The following FREM2 variants were observed in gnomAD, a reference collection of about 807,000 sequenced individuals.
The protein encoded by FREM2 is FRAS1-related extracellular matrix protein 2.
Under a neutral mutation model 219.9 loss-of-function variants are expected in FREM2, and 119 were observed. The ratio of observed to expected loss-of-function variants is 0.54; its 90% CI spans 0.47 to 0.63. The LOEUF (loss-of-function observed/expected upper bound fraction) is 0.63. Among genes scored for constraint, FREM2 ranks in the 30% least tolerant of loss-of-function variants. The pLI is 0.00. For synonymous variants in FREM2, 1,562 were observed against 1,522.8 expected (o/e 1.03, Z -0.60); for missense variants, 4,030 against 3,993.6 (o/e 1.01, Z -0.25).
intron 11 of FREM2, among the ~76,000 whole-genome samples, chr13:38,855,271 CA>C (rs1566167939): frequency 6.6e-6 from 1 of 152,020 alleles, no homozygotes; most frequent in Admixed American, 6.6e-5. Context: ...CCCTGAAAAA[CA>C]CAAAGAAGTC....
chr13:38,713,376 G>A (rs1870858926), intron 2 of FREM2, among the ~76,000 whole-genome samples: 1 of 152,072 alleles, frequency 6.6e-6, no homozygotes, highest in African/African-American at 2.4e-5. Context: ...AATGTGACAA[G>A]GACTATATGG....
intron 6 of FREM2, among the ~76,000 whole-genome samples, chr13:38,830,144 G>A (rs1242539801): frequency 6.6e-6 from 1 of 152,046 alleles, no homozygotes; most frequent in East Asian, 1.9e-4. Context: ...TAATTTTAAA[G>A]AAATATATCA....
chr13:38,815,634 G>A (rs1875735207), intron 6 of FREM2, among the ~76,000 whole-genome samples: 1 of 152,160 alleles, frequency 6.6e-6, no homozygotes. Context: ...ATAAGGATAC[G>A]AGGACTATTT....
intron 2 of FREM2, among the ~76,000 whole-genome samples, chr13:38,733,872 T>C (rs1451318845): frequency 1.3e-5 from 2 of 152,186 alleles, no homozygotes; most frequent in Non-Finnish European, 2.9e-5. Flanking sequence ...ATTTATTTTA[T>C]GGAAATATAA....
intron 6 of FREM2, among the ~76,000 whole-genome samples, chr13:38,797,937 C>CT (rs910240890): frequency 2.0e-5 from 3 of 152,136 alleles, no homozygotes; most frequent in Admixed American, 6.6e-5. Flanking sequence ...ATTTGACTTA[C>CT]TTTTTTTCCA....
intron 8 of FREM2, among the ~76,000 whole-genome samples, chr13:38,849,338 A>C (rs1205586489): frequency 6.6e-6 from 1 of 152,184 alleles, no homozygotes; most frequent in Non-Finnish European, 1.5e-5. Context: ...GTTGGGTGGA[A>C]CCATGTGGAA....
At chr13:38,839,563 G>C (rs1876858637) in intron 6 of FREM2, among the ~76,000 whole-genome samples, 1 of 152,180 alleles carries the variant, frequency 6.6e-6, no homozygotes, top group Non-Finnish European at 1.5e-5. Flanking sequence ...TGTGCCCACA[G>C]TCGCCCCTTC....
intron 6 of FREM2, among the ~76,000 whole-genome samples, chr13:38,841,931 G>T (rs1043464121): frequency 6.6e-6 from 1 of 152,302 alleles, no homozygotes; most frequent in South Asian, 2.1e-4. Context: ...GACAATGGGG[G>T]ACATACGCAC....
At chr13:38,705,765 G>C (rs1334460141) in intron 2 of FREM2, among the ~76,000 whole-genome samples, 1 of 152,132 alleles carries the variant, frequency 6.6e-6, no homozygotes, top group Non-Finnish European at 1.5e-5. Context: ...GCTACTCTGA[G>C]GGCTTCCAGA....
chr13:38,710,572 A>T (rs1003564497), intron 2 of FREM2, among the ~76,000 whole-genome samples: 2 of 152,168 alleles, frequency 1.3e-5, no homozygotes, highest in African/African-American at 4.8e-5. Context: ...CTCCTTATAT[A>T]CATTTGTGTT....
At chr13:38,862,927 CA>C (rs1220646621) in intron 15 of FREM2, among the ~76,000 whole-genome samples, 1 of 152,150 alleles carries the variant, frequency 6.6e-6, no homozygotes, top group Non-Finnish European at 1.5e-5. Context: ...ACTCTGATGG[CA>C]GCATTGAACA....
intron 2 of FREM2, among the ~76,000 whole-genome samples, chr13:38,717,114 T>A (rs1871035707): frequency 6.6e-6 from 1 of 152,196 alleles, no homozygotes; most frequent in South Asian, 2.1e-4. Flanking sequence ...TCACTAGAAG[T>A]ATTCAAGTCA....
At chr13:38,756,380 A>G (rs1872998720) in intron 2 of FREM2, among the ~76,000 whole-genome samples, 1 of 152,158 alleles carries the variant, frequency 6.6e-6, no homozygotes, top group Admixed American at 6.5e-5. Flanking sequence ...ACACCTTATT[A>G]ACTATATGTT....
intron 2 of FREM2, among the ~76,000 whole-genome samples, chr13:38,717,650 G>A (rs1871065431): frequency 6.6e-6 from 1 of 151,794 alleles, no homozygotes; most frequent in Non-Finnish European, 1.5e-5. Context: ...CTCTTGATCT[G>A]AAGTGATCTG....
intron 6 of FREM2, among the ~76,000 whole-genome samples, chr13:38,813,551 C>CTATA (rs1875618981): frequency 3.2e-5 from 1 of 31,712 alleles, no homozygotes; most frequent in African/African-American, 1.6e-4. Flanking sequence ...CTCTCTCTCT[C>CTATA]TCTCTCTCTC....
At chr13:38,818,893 A>G (rs1421901793) in intron 6 of FREM2, among the ~76,000 whole-genome samples, 3 of 151,136 alleles carry the variant, frequency 2.0e-5, no homozygotes, top group African/African-American at 7.3e-5. Flanking sequence ...CTCCGTCTCA[A>G]AAAAAAAATG....
intron 6 of FREM2, among the ~76,000 whole-genome samples, chr13:38,838,627 A>T (rs530833017): frequency 6.6e-6 from 1 of 152,286 alleles, no homozygotes; most frequent in African/African-American, 2.4e-5. Flanking sequence ...CTTTTCACAT[A>T]GACCCATATT....
Position 38,877,451 on chromosome 13 carries a change from T to A in FREM2, c.8671+208T>A, listed in dbSNP as rs192961825. Among the ~76,000 whole-genome samples, 292 of 152,300 alleles carry A rather than the reference T, an allele frequency of 1.9e-3. 1 individual carries two copies. The highest frequency in any genetic ancestry group is 6.8e-3 in the African/African-American group (284 of 41,568). ...TATCTTTTTTTTCTGAGGAAGCTAA[T>A]CTCTAGCTGTCTTACCTAAGTGACT... On this transcript the variant is annotated intron_variant, in intron 21 of 23. Transcript: ENST00000280481.
chr13:38,689,521 T>A lies in FREM2; in HGVS notation c.2177T>A (p.Leu726Gln), dbSNP rs1869703819. The part of the protein sequence containing the change: ...SQLTPLRKKW[L>Q]RYTDLDTDDR... ...CTCACACCACTGAGGAAGAAGTGGCTGCGCTACACTGACCTGGACACAGAT... is the reference window on the plus strand; with the variant it reads ...CTCACACCACTGAGGAAGAAGTGGCAGCGCTACACTGACCTGGACACAGAT... The change falls in exon 1 of 24, where the codon CTG becomes CAG. Residue 726 changes from leucine (L) to glutamine (Q), a missense_variant. Physicochemically the swap from Leu to Gln is moderately radical, Grantham distance 113 (BLOSUM62 -2). Around this residue, in one of 2 missense-constraint regions of FREM2, gnomAD observed 3,102 missense variants for 2,950.7 expected, o/e 1.05. Transcript: ENST00000280481. The A allele has an allele frequency of 6.2e-7, 1 of 1,613,900 alleles. No individual in the cohort carries two copies. Among genetic ancestry groups the A allele is most frequent in the Non-Finnish European group, 8.5e-7 (1 of 1,179,988 alleles).
Sources: allele counts gnomAD v4.1 joint callset (sites outside exome capture counted in the v4.1 genomes callset), GRCh38; gene constraint gnomAD v4.1.1; regional missense constraint gnomAD v4.1.1; transcripts MANE v1.5; gene names NCBI Gene and HGNC (gene_info 2026-07-23, HGNC 2026-07-21).